Variants in ELAPOR2 observed in about 807,000 individuals in gnomAD.
ELAPOR2 encodes the protein endosome-lysosome associated apoptosis and autophagy regulator family member 2.
ELAPOR2 carries 89 observed loss-of-function variants against 120.7 expected under a neutral mutation model. The observed-to-expected ratio is 0.74, with a 90% confidence interval of 0.62 to 0.88. The LOEUF (loss-of-function observed/expected upper bound fraction) is 0.88. Among genes scored for constraint, ELAPOR2 ranks in the 40% least tolerant of loss-of-function variants. ELAPOR2 has a pLI of 0.00. For missense variants in ELAPOR2, 1,134 were observed against 1,251.6 expected, an observed-to-expected ratio of 0.91 and a Z score of 1.42; for synonymous variants, 444 against 444.9, an observed-to-expected ratio of 1.00 and a Z score of 0.03.
chr7:87,016,522 T>C (rs889366035), intron 1 of ELAPOR2, among the ~76,000 whole-genome samples: 1 of 151,856 alleles, frequency 6.6e-6, no homozygotes, highest in Non-Finnish European at 1.5e-5. Context: ...GGGTACAAGA[T>C]GGGTAGAAAT....
intron 3 of ELAPOR2, among the ~76,000 whole-genome samples, chr7:86,945,905 A>G (rs1423400246): frequency 2.0e-5 from 3 of 152,116 alleles, no homozygotes; most frequent in African/African-American, 7.2e-5. Flanking sequence ...TGTTACACAC[A>G]CATGGAGACG....
intron 1 of ELAPOR2, among the ~76,000 whole-genome samples, chr7:86,997,436 C>G (rs887594529): frequency 6.6e-6 from 1 of 152,110 alleles, no homozygotes; most frequent in East Asian, 1.9e-4. Flanking sequence ...ACGGAATTAC[C>G]AGACCTAAAG....
chr7:86,952,132 C>T (rs1346479381), intron 2 of ELAPOR2, among the ~76,000 whole-genome samples: 1 of 152,174 alleles, frequency 6.6e-6, no homozygotes, highest in Non-Finnish European at 1.5e-5. Flanking sequence ...GATATCTCAC[C>T]ACTCTGCATA....
At chr7:86,982,890 G>A (rs912169581) in intron 1 of ELAPOR2, among the ~76,000 whole-genome samples, 15 of 135,958 alleles carry the variant, frequency 1.1e-4, no homozygotes, top group South Asian at 4.3e-4. Flanking sequence ...AAACTTCTCC[G>A]AGCTAAAGGA....
intron 4 of ELAPOR2, among the ~76,000 whole-genome samples, chr7:86,943,578 T>C (rs1031922085): frequency 1.3e-5 from 2 of 152,038 alleles, no homozygotes; most frequent in African/African-American, 4.8e-5. Context: ...AAGGCATCGC[T>C]GACAGGAATT....
chr7:86,978,370 T>C (rs1033409401), intron 1 of ELAPOR2, among the ~76,000 whole-genome samples: 1 of 152,210 alleles, frequency 6.6e-6, no homozygotes, highest in Non-Finnish European at 1.5e-5. Flanking sequence ...ACACTTCCAG[T>C]AAGAAAATTA....
intron 1 of ELAPOR2, among the ~76,000 whole-genome samples, chr7:86,998,630 AC>A (rs1363647640): frequency 6.6e-6 from 1 of 151,352 alleles, no homozygotes; most frequent in African/African-American, 2.4e-5. Context: ...CATAAATTTC[AC>A]CCCGGTCATG....
intron 1 of ELAPOR2, among the ~76,000 whole-genome samples, chr7:86,998,163 G>A (rs981982012): frequency 1.3e-5 from 2 of 152,176 alleles, no homozygotes; most frequent in African/African-American, 4.8e-5. Flanking sequence ...TACCCCTCAA[G>A]AGATCACAGA....
chr7:86,996,853 C>T (rs1793141662), intron 1 of ELAPOR2, among the ~76,000 whole-genome samples: 1 of 152,154 alleles, frequency 6.6e-6, no homozygotes, highest in African/African-American at 2.4e-5. Context: ...ATCTTTTTAT[C>T]CTAGATACAT....
chr7:87,049,224 T>C (rs187341101), intron 1 of ELAPOR2, among the ~76,000 whole-genome samples: 62 of 152,190 alleles, frequency 4.1e-4, no homozygotes, highest in Non-Finnish European at 6.9e-4. Flanking sequence ...AAAAGGACTA[T>C]AGAGAAAAAC....
chr7:86,983,601 A>G (rs1399206814), intron 1 of ELAPOR2, among the ~76,000 whole-genome samples: 1 of 152,240 alleles, frequency 6.6e-6, no homozygotes, highest in African/African-American at 2.4e-5. Context: ...TCATAAGTGA[A>G]GGAGAAATAA....
intron 1 of ELAPOR2, among the ~76,000 whole-genome samples, chr7:86,974,317 C>A (rs1792201060): frequency 1.3e-5 from 2 of 152,076 alleles, no homozygotes; most frequent in African/African-American, 4.8e-5. Context: ...ATTATATATA[C>A]CCCGTGATAC....
At chr7:86,938,428 T>C (rs1033623521) in intron 7 of ELAPOR2, among the ~76,000 whole-genome samples, 1 of 152,092 alleles carries the variant, frequency 6.6e-6, no homozygotes, top group African/African-American at 2.4e-5. Flanking sequence ...GAGTAGTATA[T>C]CACAGTTTTT....
chr7:86,973,984 G>A (rs1792190173), intron 1 of ELAPOR2, among the ~76,000 whole-genome samples: 1 of 151,558 alleles, frequency 6.6e-6, no homozygotes, highest in African/African-American at 2.4e-5. Context: ...TAGAAGGGAG[G>A]GAGGATCCCT....
chr7:86,900,826 T>C lies in ELAPOR2; in HGVS notation c.2559-3194A>G, dbSNP rs139638589. Among the ~76,000 whole-genome samples the C allele has an allele frequency of 2.0e-3, 297 of 152,218 alleles. 1 individual carries two copies. The highest frequency in any genetic ancestry group is 6.8e-3 in the Middle Eastern group (2 of 294). ...ATTTGAACAGCACTTATTTTTAGTA[T>C]GAAAATAGAAAAAAAGTACAAGAGA... On this transcript the variant is annotated intron_variant, in intron 18 of 21. Coordinates refer to ENST00000450689, the MANE Select transcript of ELAPOR2 (RefSeq NM_001142749.3).
intron 7 of ELAPOR2, among the ~76,000 whole-genome samples, 192 bp from the exon 8 acceptor site, chr7:86,938,406 A>G (rs142625041): frequency 1.3e-5 from 2 of 152,240 alleles, no homozygotes; most frequent in East Asian, 3.9e-4. Context: ...AAGTGTTTCT[A>G]TGATACACAT....
At position 86,996,379 on chromosome 7, in the gene ELAPOR2, G is replaced by A. The variant is rs184933811; in HGVS notation, c.190-31355C>T. Among the ~76,000 whole-genome samples the A allele has an allele frequency of 3.9e-5, 6 of 152,228 alleles. No homozygotes were observed. The East Asian group carries it at 9.7e-4, about 25-fold the overall frequency. Reference sequence around the variant, plus strand: ...CCACAGAGAGAAGGAGCCCAAAGAAGAGCATTCCCGGCAGAGGGGGCAGCC... The same window carrying A: ...CCACAGAGAGAAGGAGCCCAAAGAAAAGCATTCCCGGCAGAGGGGGCAGCC... On this transcript the variant is annotated intron_variant, in intron 1 of 21. Coordinates refer to ENST00000450689, the MANE Select transcript of ELAPOR2 (RefSeq NM_001142749.3).
At chr7:86,965,242 C>T (rs115723503) in intron 1 of ELAPOR2, among the ~76,000 whole-genome samples, 1,767 of 152,188 alleles carry the variant, frequency 0.012, 33 homozygotes, top group African/African-American at 0.041. Context: ...GGACAGTCAA[C>T]GCTGTCAGGT....
chr7:87,042,982 C>T (rs1317802070), intron 1 of ELAPOR2, among the ~76,000 whole-genome samples: 1 of 152,160 alleles, frequency 6.6e-6, no homozygotes, highest in Non-Finnish European at 1.5e-5. Flanking sequence ...ACTACAAACA[C>T]CTCTACACAA....
Sources: allele counts gnomAD v4.1 joint callset (sites outside exome capture counted in the v4.1 genomes callset), GRCh38; gene constraint gnomAD v4.1.1; transcripts MANE v1.5; gene names NCBI Gene and HGNC (gene_info 2026-07-23, HGNC 2026-07-21).